ABI2: variants seen among roughly 807,000 people sequenced by gnomAD.
ABI2 encodes the protein abelson interactor 2.
In ABI2, 25 loss-of-function variants were observed where a neutral mutation model predicts 59.2. The ratio of observed to expected loss-of-function variants is 0.42; its 90% CI spans 0.31 to 0.59. The LOEUF (loss-of-function observed/expected upper bound fraction) is 0.59. Among genes scored for constraint, ABI2 ranks in the 20% least tolerant of loss-of-function variants. The probability of loss-of-function intolerance (pLI) is 0.14; values close to 1 mark genes in which losing one functional copy is unlikely to be tolerated. For missense variants in ABI2, 545 were observed against 681.8 expected, an observed-to-expected ratio of 0.80 and a Z score of 2.23; for synonymous variants, 213 against 235.5, an observed-to-expected ratio of 0.90 and a Z score of 0.87.
intron 11 of ABI2, among the ~76,000 whole-genome samples, chr2:203,422,646 A>G (rs1463098587): frequency 6.6e-5 from 10 of 152,234 alleles, no homozygotes; most frequent in Admixed American, 6.5e-4. Context: ...GCCAAACACT[A>G]CAGGAACATT....
At chr2:203,367,345 T>C in intron 2 of ABI2, 1 of 190,764 alleles carries the variant, frequency 5.2e-6, no homozygotes. Context: ...TTAAAACAAA[T>C]TTCATACTTC....
chr2:203,328,537 T>A lies in ABI2; in HGVS notation c.23T>A (p.Leu8Gln). The change falls in exon 1 of 12, where the codon CTG (leucine) becomes CAG (glutamine). Residue 8 changes from leucine to glutamine, a missense_variant. By Grantham distance (113) the Leu-to-Gln change is moderately radical. Transcript: ENST00000261018. ...AAGATGGCGGAGCTGCAGATGCTGC[T>A]GGAAGAGGAAATCCCGGGGGGCCGC... MAELQML[L>Q]EEEIPGGRRA... 6.2e-7 allele frequency: 1 copy of A among 1,605,026 alleles called. No individual in the cohort carries two copies. Among genetic ancestry groups the A allele is most frequent in the Non-Finnish European group, 8.5e-7 (1 of 1,176,164 alleles).
chr2:203,401,041 C>T (rs2097197709), intron 8 of ABI2, among the ~76,000 whole-genome samples: 1 of 152,088 alleles, frequency 6.6e-6, no homozygotes, highest in Non-Finnish European at 1.5e-5. Context: ...TCAGGATAAC[C>T]TTAGGCACAA....
At chr2:203,392,699 C>G (rs1309002428) in intron 5 of ABI2, among the ~76,000 whole-genome samples, 1 of 151,894 alleles carries the variant, frequency 6.6e-6, no homozygotes, top group Non-Finnish European at 1.5e-5. Context: ...TGTGTAGTGC[C>G]TTATGGATTT....
At chr2:203,416,766 T>TTATC (rs1460669657) in intron 10 of ABI2, 142 bp from the exon 11 acceptor site, 6 of 867,738 alleles carry the variant, frequency 6.9e-6, no homozygotes, top group African/African-American at 1.7e-5. Context: ...GTGGGAAGAC[T>TTATC]TATCTTGCTC....
chr2:203,354,705 TAAG>T (rs66727221), intron 1 of ABI2, among the ~76,000 whole-genome samples: 30,658 of 152,088 alleles, frequency 0.2, 3,375 homozygotes, highest in Non-Finnish European at 0.24. Flanking sequence ...CATATTGTGA[TAAG>T]AAGAGGCCCA....
At chr2:203,358,071 T>TGTG (rs1234117326) in intron 1 of ABI2, among the ~76,000 whole-genome samples, 8 of 128,782 alleles carry the variant, frequency 6.2e-5, no homozygotes, top group African/African-American at 2.4e-4. Context: ...CCTGGCCTGT[T>TGTG]TGTGTGTGTG....
intron 4 of ABI2, among the ~76,000 whole-genome samples, chr2:203,383,905 C>T (rs932960094): frequency 2.0e-5 from 3 of 150,460 alleles, no homozygotes; most frequent in African/African-American, 7.3e-5. Context: ...TCTGTCTTTG[C>T]TGCTCCCATT....
intron 1 of ABI2, among the ~76,000 whole-genome samples, chr2:203,344,978 T>G (rs958639236): frequency 6.6e-6 from 1 of 151,964 alleles, no homozygotes; most frequent in African/African-American, 2.4e-5. Flanking sequence ...CTCTGTAAAA[T>G]GGACCAATCA....
chr2:203,389,435 A>G (rs990966801), intron 4 of ABI2, among the ~76,000 whole-genome samples: 13 of 152,324 alleles, frequency 8.5e-5, no homozygotes, highest in Admixed American at 2.6e-4. Flanking sequence ...TTTCTTGCCT[A>G]TTCAAATAAC....
chr2:203,368,984 A>AATTTTTTTTTTTTT lies in ABI2; in HGVS notation c.285+1940_285+1941insATTTTTTTTTTTTT, dbSNP rs1312712237. On this transcript the variant is annotated intron_variant, in intron 2 of 11. Transcript: ENST00000261018. ...TACAGGCACGTGCCATGCTTGGCTG[A>AATTTTTTTTTTTTT]TTTTTTTTTTTTTTTTTTTTTTTTT... 1.1e-4 allele frequency among the ~76,000 whole-genome samples: 10 copies of AATTTTTTTTTTTTT among 91,118 alleles called. 5 individuals carry two copies. Among genetic ancestry groups the AATTTTTTTTTTTTT allele is most frequent in the East Asian group, 6.6e-4 (2 of 3,040 alleles). 59.8% of individuals were successfully genotyped at this position (91,118 alleles called of 152,430 possible).
At chr2:203,352,517 G>A (rs548596893) in intron 1 of ABI2, among the ~76,000 whole-genome samples, 1 of 151,664 alleles carries the variant, frequency 6.6e-6, no homozygotes, top group South Asian at 2.1e-4. Flanking sequence ...CTGACCCTGT[G>A]TAGGGTTAGG....
chr2:203,395,448 T>TATATATATATATATATATACACAC (rs750379504), intron 6 of ABI2, among the ~76,000 whole-genome samples: 1 of 115,328 alleles, frequency 8.7e-6, no homozygotes, highest in Admixed American at 1.0e-4. Context: ...TATATATATA[T>TATATATATATATATATATACACAC]ACACACACAC....
chr2:203,411,228 C>T lies in ABI2; in HGVS notation c.1193-57C>T, dbSNP rs2153508739. 2.4e-6 allele frequency: 3 copies of T among 1,273,736 alleles called. No individual in the cohort carries two copies. In the South Asian group the frequency reaches 3.6e-5, roughly 15 times the overall value. 78.9% of individuals were successfully genotyped at this position (1,273,736 alleles called of 1,614,324 possible). On this transcript the variant is annotated intron_variant, in intron 9 of 11. Transcript: ENST00000261018. ...TGTTTATTTTATTGTATTATCCTTT[C>T]CTTTTAATGTAACTCGCCCTTATCC...
chr2:203,338,955 T>TATATAA (rs2078012424), intron 1 of ABI2, among the ~76,000 whole-genome samples: 3 of 8,924 alleles, frequency 3.4e-4, no homozygotes, highest in African/African-American at 1.0e-3. Context: ...TATATATATA[T>TATATAA]ATATATAAAT....
intron 2 of ABI2, among the ~76,000 whole-genome samples, chr2:203,369,201 C>T (rs553991554): frequency 6.6e-6 from 1 of 151,556 alleles, no homozygotes; most frequent in Non-Finnish European, 1.5e-5. Flanking sequence ...ATTTCAAGAT[C>T]TATTCTTGAG....
intron 11 of ABI2, among the ~76,000 whole-genome samples, chr2:203,420,409 T>G (rs2098142796): frequency 1.3e-5 from 2 of 152,032 alleles, no homozygotes; most frequent in Admixed American, 6.6e-5. Context: ...TTTTTTTTTT[T>G]TTGAGACGGA....
chr2:203,352,741 A>ATT (rs2089651969), intron 1 of ABI2, among the ~76,000 whole-genome samples: 2 of 152,206 alleles, frequency 1.3e-5, no homozygotes, highest in African/African-American at 4.8e-5. Flanking sequence ...GCATAAATCT[A>ATT]CAGTGTTTTT....
chr2:203,401,513 A>G (rs1025086211), intron 8 of ABI2, among the ~76,000 whole-genome samples: 1 of 152,184 alleles, frequency 6.6e-6, no homozygotes, highest in East Asian at 1.9e-4. Flanking sequence ...TAGGAAACTG[A>G]TGGATTATGG....
Sources: allele counts gnomAD v4.1 joint callset (sites outside exome capture counted in the v4.1 genomes callset), GRCh38; gene constraint gnomAD v4.1.1; transcripts MANE v1.5; gene names NCBI Gene and HGNC (gene_info 2026-07-23, HGNC 2026-07-21).